The following PHC2 variants were observed in gnomAD, a reference collection of about 807,000 sequenced individuals.
The protein encoded by PHC2 is polyhomeotic-like protein 2.
Under a neutral mutation model 87.4 loss-of-function variants are expected in PHC2, and 29 were observed. The observed-to-expected ratio is 0.33, with a 90% CI of 0.25 to 0.45. The LOEUF is 0.45. Ranked by LOEUF, PHC2 falls within the 20% of genes least tolerant of loss-of-function variation. The pLI is 1.00. For missense variants in PHC2, 857 were observed against 1,136.7 expected (o/e 0.75, Z 3.54); for synonymous variants, 438 against 461.7 (o/e 0.95, Z 0.66).
At chr1:33,372,210 G>A (rs1647890568) in intron 3 of PHC2, 79 bp downstream of exon 3, 1 of 1,383,700 alleles carries the variant, frequency 7.2e-7, no homozygotes, top group Non-Finnish European at 9.8e-7. Flanking sequence ...AAGCGCAGGT[G>A]CGGTGCCTGC....
At position 33,331,443 on chromosome 1, in the gene PHC2, A is replaced by C; in HGVS notation, c.1911T>G (p.Ala637=). 1 of 1,602,840 alleles carries C rather than the reference A, an allele frequency of 6.2e-7. No individual in the cohort carries two copies. The change falls in exon 12 of 15, where the codon GCT becomes GCG. Residue 637 remains alanine, a synonymous_variant. Transcript: ENST00000683057. This position sits in a 1 kb window ranked among gnomAD's most constrained non-coding sequence, Gnocchi z 5.2. ...PYLQESKEEG[A]PLKLKCELCG... The stretch of plus-strand genomic sequence containing the variant: ...AGAGCTCACACTTGAGTTTGAGGGG[A>C]GCACCCTCCTCTTTGGATTCTGAAA...
At chr1:33,344,938 A>G (rs1322890372) in intron 9 of PHC2, among the ~76,000 whole-genome samples, 1 of 151,958 alleles carries the variant, frequency 6.6e-6, no homozygotes, top group South Asian at 2.1e-4. Flanking sequence ...GTTTTGTTTT[A>G]ATTTAAAGTG....
Position 33,375,383 on chromosome 1 carries a change from C to A in PHC2, c.157G>T (p.Asp53Tyr). ...ACTCTTACCTGCACGGTCTGCCGGTCTGGAATACCACTGTACACAGAAATC... is the reference window on the plus strand; with the variant it reads ...ACTCTTACCTGCACGGTCTGCCGGTATGGAATACCACTGTACACAGAAATC... ...PQISVYSGIP[D>Y]RQTVQVIQQA... The change falls in exon 2 of 15, where the codon GAC becomes TAC. Residue 53 changes from aspartate (D) to tyrosine (Y), a missense_variant. Around this residue, in one of 3 missense-constraint regions of PHC2, gnomAD observed 832 missense variants for 1,081.8 expected, o/e 0.77. Coordinates refer to ENST00000683057, the MANE Select transcript of PHC2 (RefSeq NM_001385109.1). 6.3e-7 allele frequency: 1 copy of A among 1,588,922 alleles called. No homozygotes were observed. Among genetic ancestry groups the A allele is most frequent in the Non-Finnish European group, 8.6e-7 (1 of 1,166,070 alleles).
chr1:33,359,037 C>T (rs1429820020), intron 7 of PHC2: 2 of 152,172 alleles, frequency 1.3e-5, no homozygotes, highest in African/African-American at 4.8e-5. Context: ...AGTTACCTGA[C>T]CTCTCTGTAC....
chr1:33,381,393 T>C (rs1405619288), intron 1 of PHC2, among the ~76,000 whole-genome samples: 1 of 152,178 alleles, frequency 6.6e-6, no homozygotes, highest in Non-Finnish European at 1.5e-5. Context: ...TCTCACCAAC[T>C]AGTTTAAAAC....
intron 9 of PHC2, among the ~76,000 whole-genome samples, chr1:33,351,951 C>CAAAAA (rs10718909): frequency 4.6e-5 from 4 of 87,414 alleles, no homozygotes; most frequent in South Asian, 4.3e-4. Context: ...GAATGCATCT[C>CAAAAA]AAAAAAAAAA....
At chr1:33,346,021 T>C (rs1382544774) in intron 9 of PHC2, 1 of 985,284 alleles carries the variant, frequency 1.0e-6, no homozygotes, top group African/African-American at 1.7e-5. Flanking sequence ...TGACTCATAG[T>C]TTAAACCATG....
At chr1:33,426,159 C>T (rs1022896139) in intron 1 of PHC2, among the ~76,000 whole-genome samples, 2 of 152,236 alleles carry the variant, frequency 1.3e-5, no homozygotes, top group Non-Finnish European at 2.9e-5. Context: ...TCACTAATCA[C>T]TTTCCTATTT....
Position 33,341,539 on chromosome 1 carries a change from C to T in PHC2, c.1559-7247G>A, listed in dbSNP as rs151323998. 1.2e-4 allele frequency among the ~76,000 whole-genome samples: 18 copies of T among 152,280 alleles called. No individual in the cohort carries two copies. In the East Asian group the frequency reaches 3.1e-3, roughly 26 times the overall value. On this transcript the variant is annotated intron_variant, in intron 9 of 14. Transcript: ENST00000683057. The stretch of plus-strand genomic sequence containing the variant: ...AATCTAGTTAATCAGGACGCACAAG[C>T]TGGATTCAATATCTGAAGAAGCCGA...
At chr1:33,397,218 G>C (rs1022914821) in intron 1 of PHC2, among the ~76,000 whole-genome samples, 3 of 152,156 alleles carry the variant, frequency 2.0e-5, no homozygotes, top group African/African-American at 7.2e-5. Context: ...AAAATCTTAG[G>C]AAATTGAATG....
intron 1 of PHC2, among the ~76,000 whole-genome samples, chr1:33,378,318 T>G (rs1648288158): frequency 6.6e-6 from 1 of 152,178 alleles, no homozygotes; most frequent in Non-Finnish European, 1.5e-5. Context: ...ATTGTAAAGG[T>G]GAGGTGCAAT....
chr1:33,429,900 CG>C, intron 1 of PHC2, among the ~76,000 whole-genome samples: 1 of 152,228 alleles, frequency 6.6e-6, no homozygotes, highest in Non-Finnish European at 1.5e-5. Flanking sequence ...ATTGATATCA[CG>C]GGCGCATTAG....
chr1:33,403,423 C>T (rs140823966), intron 1 of PHC2, among the ~76,000 whole-genome samples: 1 of 152,234 alleles, frequency 6.6e-6, no homozygotes, highest in Non-Finnish European at 1.5e-5. Context: ...CTGCACCTGG[C>T]GGGAAAACTT....
intron 9 of PHC2, chr1:33,347,863 G>T: frequency 9.4e-6 from 3 of 320,572 alleles, no homozygotes; most frequent in Non-Finnish European, 1.4e-5. Context: ...AGTGAGCCAA[G>T]CCAGAGGCCC....
intron 1 of PHC2, among the ~76,000 whole-genome samples, chr1:33,379,873 C>T (rs1648408003): frequency 6.6e-6 from 1 of 151,682 alleles, no homozygotes; most frequent in South Asian, 2.1e-4. Flanking sequence ...CTGCCTCTGG[C>T]TCCCCGTGGC....
chr1:33,410,289 A>C (rs1649929812), intron 1 of PHC2, among the ~76,000 whole-genome samples: 1 of 152,162 alleles, frequency 6.6e-6, no homozygotes, highest in Non-Finnish European at 1.5e-5. Context: ...TTTTCCTTGG[A>C]GAGCAGATTG....
At position 33,427,050 on chromosome 1, in the gene PHC2, T is replaced by C. The variant is rs149979393; in HGVS notation, c.-55+3926A>G. ...CCCTGACTTCAGAGACAGTATAGCA[T>C]GATCCTTCAGGAAAGCTTTAGAGTC... is the stretch of plus-strand genomic sequence containing the variant. On this transcript the variant is annotated intron_variant, in intron 1 of 14. Transcript: ENST00000683057. Among the ~76,000 whole-genome samples the C allele has an allele frequency of 1.8e-3, 273 of 152,334 alleles. 2 individuals carry two copies. The highest frequency in any genetic ancestry group is 6.0e-3 in the African/African-American group (250 of 41,572).
At chr1:33,396,067 T>TA (rs1557844275) in intron 1 of PHC2, among the ~76,000 whole-genome samples, 1 of 152,230 alleles carries the variant, frequency 6.6e-6, no homozygotes, top group Non-Finnish European at 1.5e-5. Context: ...ATGGTATCTA[T>TA]AATGCTTTAG....
chr1:33,401,573 C>T (rs1470881135), intron 1 of PHC2, among the ~76,000 whole-genome samples: 2 of 152,126 alleles, frequency 1.3e-5, no homozygotes, highest in African/African-American at 2.4e-5. Context: ...CTGGTCATTG[C>T]GGGAGTATTT....
Sources: gnomAD v4.1 joint callset for allele counts (sites outside exome capture counted in the v4.1 genomes callset) on GRCh38, gnomAD v4.1.1 for gene constraint, gnomAD v4.1.1 regional missense constraint, Gnocchi (gnomAD v3.1) non-coding constraint, MANE v1.5 for transcripts, NCBI Gene and HGNC (gene_info 2026-07-23, HGNC 2026-07-21) for gene names.